The following TNS1 variants were observed in gnomAD, a reference collection of about 807,000 sequenced individuals.
The protein encoded by TNS1 is tensin-1.
A neutral mutation model predicts 168.6 loss-of-function variants in TNS1; 62 were observed. The observed-to-expected ratio is 0.37, with a 90% CI of 0.30 to 0.45. The LOEUF is 0.45. Among genes scored for constraint, TNS1 ranks in the 20% least tolerant of loss-of-function variants. The pLI, the probability that TNS1 is intolerant of heterozygous loss-of-function variation, is 1.00. For synonymous variants in TNS1, 934 were observed against 933.2 expected (o/e 1.00, Z -0.02); for missense variants, 2,240 against 2,339.4 (o/e 0.96, Z 0.88).
intron 3 of TNS1, among the ~76,000 whole-genome samples, chr2:217,929,046 A>G (rs1279707046): frequency 6.6e-6 from 1 of 152,196 alleles, no homozygotes. Flanking sequence ...CGGAATGTGG[A>G]GTTCTGGGCA....
Position 217,818,703 on chromosome 2 carries a change from G to A in TNS1, c.3629C>T (p.Pro1210Leu), listed in dbSNP as rs1942333283. 1 of 1,614,002 alleles carries A rather than the reference G, an allele frequency of 6.2e-7. No homozygotes were observed. The highest frequency in any genetic ancestry group is 1.1e-5 in the South Asian group (1 of 91,080). The change falls in exon 24 of 33, where the codon CCC becomes CTC. Residue 1210 changes from proline (P) to leucine (L), a missense_variant. Pro to Leu is a moderately conservative substitution (Grantham distance 98, BLOSUM62 -3). Coordinates refer to ENST00000682258, the MANE Select transcript of TNS1 (RefSeq NM_001387777.1). ...GESSDQGPRTPTQPLLESGFR... is the reference protein window; with the variant it reads ...GESSDQGPRTLTQPLLESGFR... Reference sequence around the variant, plus strand: ...GCCAGACTCCAACAGAGGCTGGGTGGGCGTCCGGGGACCCTGGTCACTGCT... The same window carrying A: ...GCCAGACTCCAACAGAGGCTGGGTGAGCGTCCGGGGACCCTGGTCACTGCT...
Position 217,886,638 on chromosome 2 carries a change from T to C in TNS1, c.875A>G (p.His292Arg). The C allele has an allele frequency of 6.3e-7, 1 of 1,582,420 alleles. No individual in the cohort carries two copies. Among genetic ancestry groups the C allele is most frequent in the Non-Finnish European group, 8.6e-7 (1 of 1,163,376 alleles). The change falls in exon 13 of 33, where the codon CAT (histidine) becomes CGT (arginine). Residue 292 changes from histidine (H) to arginine (R), a missense_variant. His to Arg is a conservative substitution (Grantham distance 29, BLOSUM62 0). Around this residue, in one of 2 missense-constraint regions of TNS1, gnomAD observed 2,131 missense variants for 2,171.2 expected, o/e 0.98. Coordinates refer to ENST00000682258, the MANE Select transcript of TNS1 (RefSeq NM_001387777.1). ...IGQPSQRRYV[H>R]YFSGLLSGSI... ...GCCGGAGAGCAGGCCACTGAAGTAA[T>C]GCACGTACCTGTAGTGGTGGGAGAA...
intron 2 of TNS1, among the ~76,000 whole-genome samples, chr2:217,985,928 C>T (rs1318785094): frequency 1.3e-5 from 2 of 152,202 alleles, no homozygotes; most frequent in Admixed American, 6.5e-5. Context: ...AGAGCCCTGA[C>T]CCCTTAAGAT....
chr2:217,969,627 A>G (rs938354666), intron 3 of TNS1, among the ~76,000 whole-genome samples: 2 of 152,262 alleles, frequency 1.3e-5, no homozygotes, highest in African/African-American at 4.8e-5. Context: ...AACAATGTCA[A>G]TAAACATTTC....
intron 31 of TNS1, 148 bp downstream of exon 31, chr2:217,808,455 G>A (rs1490546773): frequency 1.2e-5 from 10 of 819,528 alleles, no homozygotes; most frequent in African/African-American, 3.4e-5. Flanking sequence ...TGCCCAACAC[G>A]ATTACTCACA....
At chr2:218,021,184 G>C (rs1958803896) in intron 1 of TNS1, among the ~76,000 whole-genome samples, 1 of 152,178 alleles carries the variant, frequency 6.6e-6, no homozygotes. Flanking sequence ...CACAGCCCTT[G>C]GGGCTCAGGA....
chr2:217,993,152 C>CGTCT (rs1228974650), intron 1 of TNS1, among the ~76,000 whole-genome samples: 2 of 152,124 alleles, frequency 1.3e-5, no homozygotes, highest in East Asian at 3.9e-4. Flanking sequence ...TAGGCTGTAC[C>CGTCT]GTCTGGGTAT....
intron 22 of TNS1, among the ~76,000 whole-genome samples, chr2:217,824,486 G>T (rs562496309): frequency 2.6e-5 from 4 of 152,200 alleles, no homozygotes; most frequent in African/African-American, 9.7e-5. Context: ...AGTAGGATTC[G>T]GGGGATGTAA....
chr2:217,880,214 T>C lies in TNS1; in HGVS notation c.1429+684A>G, dbSNP rs1434264096. On this transcript the variant is annotated intron_variant, in intron 18 of 32. Coordinates refer to ENST00000682258, the MANE Select transcript of TNS1 (RefSeq NM_001387777.1). This position sits in a 1 kb window ranked among gnomAD's most constrained non-coding sequence, Gnocchi z 4.2. ...AGATAGACCACATAAATAAATAGAA[T>C]GCATGTAGAACTCTCAAGAGACGAC... Among the ~76,000 whole-genome samples the C allele has an allele frequency of 6.6e-6, 1 of 152,200 alleles. No individual in the cohort carries two copies. The highest frequency in any genetic ancestry group is 1.5e-5 in the Non-Finnish European group (1 of 68,024).
In TNS1 at chr2:218,033,615, C is replaced by T. The variant is rs1375709120; in HGVS notation, c.156+205G>A. Among the ~76,000 whole-genome samples the T allele has an allele frequency of 6.6e-6, 1 of 152,162 alleles. No individual in the cohort carries two copies. The highest frequency in any genetic ancestry group is 1.5e-5 in the Non-Finnish European group (1 of 68,002). On this transcript the variant is annotated intron_variant, in intron 1 of 1. Coordinates refer to the TNS1 transcript ENST00000649572. This position sits in a 1 kb window ranked among gnomAD's most constrained non-coding sequence, Gnocchi z 4.3. ...CCCTCCTCCCAAGGGCACAAGAGAC[C>T]CAGGGGAGCCCTCTACCCAACTGGA... is the stretch of plus-strand genomic sequence containing the variant.
chr2:218,022,089 T>C (rs1259731051), intron 1 of TNS1, among the ~76,000 whole-genome samples: 1 of 151,920 alleles, frequency 6.6e-6, no homozygotes, highest in Non-Finnish European at 1.5e-5. Context: ...TGGCCTCTTC[T>C]CAACACCCAG....
chr2:217,883,181 G>C (rs1203204164), intron 16 of TNS1, among the ~76,000 whole-genome samples: 1 of 152,060 alleles, frequency 6.6e-6, no homozygotes, highest in Non-Finnish European at 1.5e-5. Context: ...CCTACTTCCT[G>C]TCTTCTTAAA....
intron 2 of TNS1, among the ~76,000 whole-genome samples, chr2:217,989,420 T>G (rs1332451869): frequency 6.6e-6 from 1 of 152,008 alleles, no homozygotes; most frequent in African/African-American, 2.4e-5. Context: ...GAGGGGATGA[T>G]GCCAAGAAGC....
At chr2:218,025,001 G>C (rs982547315) in intron 1 of TNS1, among the ~76,000 whole-genome samples, 1 of 152,194 alleles carries the variant, frequency 6.6e-6, no homozygotes, top group African/African-American at 2.4e-5. Context: ...AATGGCAGGA[G>C]GGCAGGCAGC....
At chr2:217,869,260 C>T (rs1420219726) in intron 18 of TNS1, among the ~76,000 whole-genome samples, 2 of 152,150 alleles carry the variant, frequency 1.3e-5, no homozygotes, top group African/African-American at 4.8e-5. Context: ...GCCGCCTCTC[C>T]GAGGCTGATG....
At chr2:217,996,298 C>T (rs553987966) in intron 1 of TNS1, among the ~76,000 whole-genome samples, 1 of 152,194 alleles carries the variant, frequency 6.6e-6, no homozygotes, top group African/African-American at 2.4e-5. Context: ...GAGGTCAACT[C>T]CTGTCGCACT....
chr2:217,850,391 G>A (rs1220973714), intron 18 of TNS1: 2 of 985,176 alleles, frequency 2.0e-6, no homozygotes, highest in African/African-American at 1.7e-5. Flanking sequence ...TGTCTTCATG[G>A]GGGAGAGGGT....
At chr2:217,887,360 G>A (rs905495547) in intron 12 of TNS1, among the ~76,000 whole-genome samples, 1 of 152,150 alleles carries the variant, frequency 6.6e-6, no homozygotes, top group Non-Finnish European at 1.5e-5. Flanking sequence ...CCAGGCTGGA[G>A]TGCAATGGCG....
intron 18 of TNS1, among the ~76,000 whole-genome samples, chr2:217,852,144 C>G (rs1221550474): frequency 2.0e-5 from 3 of 151,186 alleles, no homozygotes; most frequent in African/African-American, 4.9e-5. Context: ...GACTCCATCT[C>G]AAAAAAAAAG....
Sources: allele counts gnomAD v4.1 joint callset (sites outside exome capture counted in the v4.1 genomes callset), GRCh38; gene constraint gnomAD v4.1.1; regional missense constraint gnomAD v4.1.1; non-coding constraint Gnocchi (gnomAD v3.1); transcripts MANE v1.5; gene names NCBI Gene and HGNC (gene_info 2026-07-23, HGNC 2026-07-21).